Variants in SAMSN1 observed in about 807,000 individuals in gnomAD.
SAMSN1 encodes the protein SAM domain-containing protein SAMSN-1.
A neutral mutation model predicts 42.0 loss-of-function variants in SAMSN1; 31 were observed. The observed-to-expected ratio is 0.74, with a 90% CI of 0.55 to 1.00. The LOEUF (loss-of-function observed/expected upper bound fraction) is 1.00, where lower values mean the gene tolerates loss of function less well. Ranked by LOEUF, SAMSN1 falls within the 50% of genes least tolerant of loss-of-function variation. The probability of loss-of-function intolerance (pLI) is 0.00; values close to 1 mark genes in which losing one functional copy is unlikely to be tolerated. For missense variants in SAMSN1, 464 were observed against 439.4 expected, an observed-to-expected ratio of 1.06 and a Z score of -0.50; for synonymous variants, 178 against 151.9, an observed-to-expected ratio of 1.17 and a Z score of -1.26.
chr21:14,581,595 A>G (rs62227217), intron 2 of SAMSN1, among the ~76,000 whole-genome samples: 1 of 151,294 alleles, frequency 6.6e-6, no homozygotes, highest in Non-Finnish European at 1.5e-5. Flanking sequence ...TCCTGACCTC[A>G]TGATCCTCCC....
At position 14,493,069 on chromosome 21, in the gene SAMSN1, C is replaced by T. The variant is rs17003298; in HGVS notation, c.919+5373G>A. ...ATCTCCCCTGCTGACAGCTCGTGTTCCAGGCTCCTGGCTGCGGCCCGCCAT... is the reference window on the plus strand; with the variant it reads ...ATCTCCCCTGCTGACAGCTCGTGTTTCAGGCTCCTGGCTGCGGCCCGCCAT... On this transcript the variant is annotated intron_variant, in intron 7 of 7. Transcript: ENST00000400566. Among the ~76,000 whole-genome samples the T allele has an allele frequency of 5.2e-3, 798 of 152,302 alleles. 5 individuals carry two copies. Among genetic ancestry groups the T allele is most frequent in the African/African-American group, 0.017 (717 of 41,566 alleles).
chr21:14,651,102 AAAG>A (rs1272574672), intron 1 of SAMSN1, among the ~76,000 whole-genome samples: 1 of 152,060 alleles, frequency 6.6e-6, no homozygotes, highest in Admixed American at 6.6e-5. Flanking sequence ...CCAAACCTTT[AAAG>A]AAGAATTAAT....
chr21:14,644,740 G>C (rs1386802717), intron 1 of SAMSN1, among the ~76,000 whole-genome samples: 1 of 152,088 alleles, frequency 6.6e-6, no homozygotes, highest in African/African-American at 2.4e-5. Flanking sequence ...TTCCAGGACT[G>C]TATGCTTGGA....
At chr21:14,653,196 C>T (rs1371537778) in intron 1 of SAMSN1, among the ~76,000 whole-genome samples, 2 of 151,544 alleles carry the variant, frequency 1.3e-5, no homozygotes, top group Non-Finnish European at 3.0e-5. Context: ...TATATACTTC[C>T]CAATTTGTTG....
chr21:14,606,040 C>G (rs1982560300), intron 5 of SAMSN1, among the ~76,000 whole-genome samples: 1 of 151,890 alleles, frequency 6.6e-6, no homozygotes, highest in East Asian at 1.9e-4. Flanking sequence ...CGGGGTTTCA[C>G]TGTGTTAGCC....
At chr21:14,573,554 C>T (rs777969720) in intron 2 of SAMSN1, among the ~76,000 whole-genome samples, 2 of 152,012 alleles carry the variant, frequency 1.3e-5, no homozygotes, top group African/African-American at 4.8e-5. Flanking sequence ...AAAACAAAAC[C>T]CTAAACCTAA....
upstream of SAMSN1, among the ~76,000 whole-genome samples, chr21:14,586,131 C>A (rs930481421): frequency 5.9e-5 from 9 of 151,382 alleles, no homozygotes; most frequent in African/African-American, 2.2e-4. Context: ...GGTGTGGTGG[C>A]ATGCACCTGT....
At chr21:14,583,529 A>T (rs1225061530), upstream of SAMSN1, 4 of 523,382 alleles carry the variant, frequency 7.6e-6, no homozygotes, top group Non-Finnish European at 1.4e-5. Context: ...ACTTGGCAAT[A>T]AAAAAAAATC....
intron 5 of SAMSN1, among the ~76,000 whole-genome samples, chr21:14,606,092 G>A (rs1049695869): frequency 1.3e-5 from 2 of 152,034 alleles, no homozygotes; most frequent in African/African-American, 2.4e-5. Flanking sequence ...CGCCCGCCTC[G>A]GCTGCCCAAA....
intron 2 of SAMSN1, among the ~76,000 whole-genome samples, chr21:14,624,970 A>G (rs1479995035): frequency 6.6e-6 from 1 of 152,204 alleles, no homozygotes; most frequent in African/African-American, 2.4e-5. Context: ...AGGCTGGTTC[A>G]ACATACATGA....
At chr21:14,610,954 CT>C (rs1237421008) in intron 4 of SAMSN1, among the ~76,000 whole-genome samples, 1 of 152,182 alleles carries the variant, frequency 6.6e-6, no homozygotes, top group African/African-American at 2.4e-5. Flanking sequence ...GAGACAGCGT[CT>C]TACTCTGTTG....
intron 2 of SAMSN1, among the ~76,000 whole-genome samples, chr21:14,555,079 A>C (rs188032495): frequency 3.9e-5 from 6 of 152,286 alleles, no homozygotes; most frequent in African/African-American, 1.4e-4. Flanking sequence ...TGCAGATACT[A>C]ACCTTTCCAT....
At position 14,629,261 on chromosome 21, in the gene SAMSN1, C is replaced by T. The variant is rs1046042656; in HGVS notation, c.157-13245G>A. Among the ~76,000 whole-genome samples, 3 of 152,172 alleles carry T rather than the reference C, an allele frequency of 2.0e-5. No homozygotes were observed. In the East Asian group the frequency reaches 5.8e-4, roughly 29 times the overall value. ...TGAAGACAAGTGTGTAAACAGCACACTGATGTGTTTTAAAGGTATTAATTA... is the reference window on the plus strand; with the variant it reads ...TGAAGACAAGTGTGTAAACAGCACATTGATGTGTTTTAAAGGTATTAATTA... On this transcript the variant is annotated intron_variant, in intron 2 of 15. Transcript: ENST00000647101.
chr21:14,600,106 GA>G lies in SAMSN1; in HGVS notation c.399+1916del, dbSNP rs372461185. Among the ~76,000 whole-genome samples the G allele has an allele frequency of 7.4e-4, 113 of 152,158 alleles. 1 individual carries two copies. The South Asian group carries it at 7.7e-3, about 10-fold the overall frequency. On this transcript the variant is annotated intron_variant, in intron 6 of 15. Transcript: ENST00000647101. ...TACAGACAGTTCTCAGATACACTTG[GA>G]AAAACACTTATCTGATAGTCATTTG... is the stretch of plus-strand genomic sequence containing the variant.
At chr21:14,627,074 C>T (rs964876892) in intron 2 of SAMSN1, among the ~76,000 whole-genome samples, 1 of 151,944 alleles carries the variant, frequency 6.6e-6, no homozygotes, top group African/African-American at 2.4e-5. Context: ...GGGAATTGAA[C>T]AATGAGAACA....
intron 1 of SAMSN1, among the ~76,000 whole-genome samples, chr21:14,521,453 C>A (rs1225505379): frequency 2.0e-5 from 3 of 152,064 alleles, no homozygotes; most frequent in Admixed American, 1.3e-4. Context: ...TAAGTAAGCA[C>A]CTTGGAGAAA....
chr21:14,602,959 T>C (rs529950569), intron 5 of SAMSN1, among the ~76,000 whole-genome samples: 1 of 152,338 alleles, frequency 6.6e-6, no homozygotes, highest in South Asian at 2.1e-4. Context: ...AGTTAAAAGA[T>C]ATGTTAAATT....
chr21:14,581,103 T>C (rs1404473006), intron 2 of SAMSN1, among the ~76,000 whole-genome samples: 1 of 152,066 alleles, frequency 6.6e-6, no homozygotes, highest in Non-Finnish European at 1.5e-5. Flanking sequence ...CCAGAATCCA[T>C]CCAAATTTGT....
intron 2 of SAMSN1, among the ~76,000 whole-genome samples, chr21:14,622,876 T>G (rs1983051822): frequency 6.6e-6 from 1 of 152,130 alleles, no homozygotes; most frequent in South Asian, 2.1e-4. Flanking sequence ...GAGAGAAAAG[T>G]CAGGTTACCC....
Sources: allele counts gnomAD v4.1 joint callset (sites outside exome capture counted in the v4.1 genomes callset), GRCh38; gene constraint gnomAD v4.1.1; transcripts MANE v1.5; gene names NCBI Gene and HGNC (gene_info 2026-07-23, HGNC 2026-07-21).